SOHLH2: variants seen among roughly 807,000 people sequenced by gnomAD.
SOHLH2 encodes spermatogenesis- and oogenesis-specific basic helix-loop-helix-containing protein 2.
A neutral mutation model predicts 50.4 loss-of-function variants in SOHLH2; 22 were observed. The observed-to-expected ratio is 0.44, with a 90% CI of 0.31 to 0.62. SOHLH2 has a LOEUF of 0.62. Among genes scored for constraint, SOHLH2 ranks in the 20% least tolerant of loss-of-function variants. The pLI is 0.08. For synonymous variants in SOHLH2, 185 were observed against 187.3 expected (o/e 0.99, Z 0.10); for missense variants, 412 against 504.4 (o/e 0.82, Z 1.76).
At chr13:36,179,122 G>T (rs1372240270) in intron 6 of SOHLH2, among the ~76,000 whole-genome samples, 1 of 152,046 alleles carries the variant, frequency 6.6e-6, no homozygotes, top group Non-Finnish European at 1.5e-5. Flanking sequence ...AATTGCAATG[G>T]CTAGGATTAT....
intron 9 of SOHLH2, among the ~76,000 whole-genome samples, chr13:36,171,398 T>C (rs1258264285): frequency 6.6e-6 from 1 of 152,210 alleles, no homozygotes; most frequent in East Asian, 1.9e-4. Flanking sequence ...TTAAAACATG[T>C]CTGTGTTACA....
chr13:36,168,894 A>G lies in SOHLH2; in HGVS notation c.*140T>C, dbSNP rs537657223. The G allele has an allele frequency of 1.8e-4, 247 of 1,400,386 alleles. 1 individual carries two copies. The South Asian group carries it at 3.9e-3, about 22-fold the overall frequency. The allele number at this position is 1,400,386 out of a possible 1,614,324, so 86.7% of individuals were successfully genotyped here. On this transcript the variant is annotated 3_prime_UTR_variant, in exon 11 of 11. Coordinates refer to ENST00000379881, the MANE Select transcript of SOHLH2 (RefSeq NM_017826.3). ...ATCTGCAGAAGCTTTGAGTGCATTT[A>G]TCAGAAGCCAAACCATGCCAACTCT...
At position 36,193,508 on chromosome 13, in the gene SOHLH2, G is replaced by T. The variant is rs1887634588; in HGVS notation, c.430+113C>A. 6 of 1,209,492 alleles carry T rather than the reference G, an allele frequency of 5.0e-6. No homozygotes were observed. The Admixed American group carries it at 1.8e-4, about 36-fold the overall frequency. The allele number at this position is 1,209,492 out of a possible 1,614,324, so 74.9% of individuals were successfully genotyped here. On this transcript the variant is annotated intron_variant, in intron 4 of 10. Transcript: ENST00000379881. ...TGTAGTTTTTTTCTTTCCAGGTAAAGAATACATATTTCTCCCTTTATTTTA... is the reference window on the plus strand; with the variant it reads ...TGTAGTTTTTTTCTTTCCAGGTAAATAATACATATTTCTCCCTTTATTTTA...
Position 36,170,616 on chromosome 13 carries a change from G to A in SOHLH2, c.1172C>T (p.Ser391Leu), listed in dbSNP as rs1168782567. ...AAGCTTTGAGACCGGGGGCATGGCT[G>A]AAGGTAAATGAATTGAAATGTTCTG... ...TNQNISIHLP[S>L]AMPPVSKLLP... Residue 391 changes from serine to leucine, a missense_variant, in exon 10 of 11, where the codon TCA becomes TTA. By Grantham distance (145) the Ser-to-Leu change is moderately radical (BLOSUM62 -2). Transcript: ENST00000379881. 1 of 1,614,218 alleles carries A rather than the reference G, an allele frequency of 6.2e-7. No homozygotes were observed. Among genetic ancestry groups the A allele is most frequent in the Non-Finnish European group, 8.5e-7 (1 of 1,180,032 alleles).
intron 5 of SOHLH2, among the ~76,000 whole-genome samples, chr13:36,190,855 A>C (rs1887552585): frequency 6.6e-6 from 1 of 152,230 alleles, no homozygotes; most frequent in Non-Finnish European, 1.5e-5. Flanking sequence ...ATGTTAAATA[A>C]GACCAAGAAA....
At chr13:36,179,993 G>C (rs1349160626) in intron 6 of SOHLH2, among the ~76,000 whole-genome samples, 1 of 152,080 alleles carries the variant, frequency 6.6e-6, no homozygotes, top group Non-Finnish European at 1.5e-5. Flanking sequence ...TTCTTTAAAT[G>C]CTTGCTGAAA....
At chr13:36,201,827 G>T (rs186921270) in intron 2 of SOHLH2, 52 bp downstream of exon 2, 4 of 1,592,374 alleles carry the variant, frequency 2.5e-6, no homozygotes, top group Middle Eastern at 1.7e-4. Context: ...TAAAAAATGG[G>T]TTTTTAAAAA....
intron 4 of SOHLH2, among the ~76,000 whole-genome samples, chr13:36,193,183 A>G (rs1333710748): frequency 6.6e-5 from 10 of 152,236 alleles, no homozygotes; most frequent in African/African-American, 2.2e-4. Context: ...TGCATCTAAA[A>G]TCTGAAACAG....
At chr13:36,205,276 T>C (rs780523822) in intron 1 of SOHLH2, among the ~76,000 whole-genome samples, 89 of 152,200 alleles carry the variant, frequency 5.8e-4, no homozygotes, top group Non-Finnish European at 7.5e-4. Flanking sequence ...CTTTAAAGCA[T>C]TGGCTAGAAC....
At chr13:36,184,515 A>C (rs1395356916) in intron 6 of SOHLH2, among the ~76,000 whole-genome samples, 2 of 133,098 alleles carry the variant, frequency 1.5e-5, no homozygotes, top group East Asian at 4.4e-4. Flanking sequence ...GCTGGAGTAC[A>C]GTGGCGCTAT....
intron 1 of SOHLH2, among the ~76,000 whole-genome samples, chr13:36,207,183 T>C (rs1332625554): frequency 2.0e-5 from 3 of 152,096 alleles, no homozygotes; most frequent in Non-Finnish European, 4.4e-5. Context: ...CATTAACTAG[T>C]GTACATTAAC....
At chr13:36,184,098 A>C (rs972228865) in intron 6 of SOHLH2, among the ~76,000 whole-genome samples, 2 of 152,212 alleles carry the variant, frequency 1.3e-5, no homozygotes, top group African/African-American at 4.8e-5. Context: ...AAGGGAGAAC[A>C]TGCTTTGGGC....
chr13:36,211,617 T>C (rs542533242), intron 1 of SOHLH2, among the ~76,000 whole-genome samples: 1 of 152,338 alleles, frequency 6.6e-6, no homozygotes, highest in Admixed American at 6.5e-5. Flanking sequence ...AGCAAAGCCA[T>C]TTGAGGCAGA....
intron 6 of SOHLH2, 88 bp from the exon 7 acceptor site, chr13:36,174,957 G>A (rs1887062132): frequency 6.7e-7 from 1 of 1,490,864 alleles, no homozygotes; most frequent in East Asian, 2.3e-5. Flanking sequence ...TCCTGGGTAT[G>A]TTTGTAAAGG....
At chr13:36,190,139 C>A (rs1318183483) in intron 5 of SOHLH2, 83 bp from the exon 6 acceptor site, 3 of 1,240,236 alleles carry the variant, frequency 2.4e-6, no homozygotes, top group Non-Finnish European at 2.2e-6. Flanking sequence ...ATACACTAAA[C>A]AAAGGATGCT....
intron 6 of SOHLH2, among the ~76,000 whole-genome samples, chr13:36,184,314 G>A (rs1442100922): frequency 6.6e-6 from 1 of 152,148 alleles, no homozygotes; most frequent in African/African-American, 2.4e-5. Flanking sequence ...CTGAATGATA[G>A]TGGAAATATA....
intron 6 of SOHLH2, among the ~76,000 whole-genome samples, chr13:36,176,056 G>A (rs1270463887): frequency 1.3e-5 from 2 of 152,144 alleles, no homozygotes; most frequent in East Asian, 3.9e-4. Flanking sequence ...TAAGTAAGCT[G>A]CTGTACATTA....
At chr13:36,201,828 T>C in intron 2 of SOHLH2, 51 bp downstream of exon 2, 1 of 1,592,436 alleles carries the variant, frequency 6.3e-7, no homozygotes, top group Non-Finnish European at 8.5e-7. Flanking sequence ...AAAAAATGGG[T>C]TTTTAAAAAA....
At chr13:36,185,998 A>C (rs924198905) in intron 6 of SOHLH2, among the ~76,000 whole-genome samples, 2 of 152,244 alleles carry the variant, frequency 1.3e-5, no homozygotes, top group African/African-American at 4.8e-5. Context: ...TTATATGACC[A>C]GTATGAGATA....
Sources: allele counts gnomAD v4.1 joint callset (sites outside exome capture counted in the v4.1 genomes callset), GRCh38; gene constraint gnomAD v4.1.1; transcripts MANE v1.5; gene names NCBI Gene and HGNC (gene_info 2026-07-23, HGNC 2026-07-21).